Variants in CCHCR1 observed in about 807,000 individuals in gnomAD.
CCHCR1 encodes HCR (a-helix coiled-coil rod homologue).
A neutral mutation model predicts 114.6 loss-of-function variants in CCHCR1; 91 were observed. The observed-to-expected ratio is 0.79, with a 90% CI of 0.67 to 0.94. The LOEUF is 0.94. CCHCR1 is among the 40% of genes least tolerant of loss of function. The pLI is 0.00. For missense variants in CCHCR1, 899 were observed against 1,079.9 expected (o/e 0.83, Z 2.35); for synonymous variants, 379 against 428.5 (o/e 0.88, Z 1.43).
At position 31,150,172 on chromosome 6, in the gene CCHCR1, C is replaced by T. The variant is rs201576922; in HGVS notation, c.1256G>A (p.Cys419Tyr). 6 of 1,614,070 alleles carry T rather than the reference C, an allele frequency of 3.7e-6. No homozygotes were observed. Among genetic ancestry groups the T allele is most frequent in the Admixed American group, 3.3e-5 (2 of 60,004 alleles). The change falls in exon 8 of 18, where the codon TGC becomes TAC. Residue 419 changes from cysteine to tyrosine, a missense_variant. Physicochemically the swap from Cys to Tyr is radical, Grantham distance 194 (BLOSUM62 -2). Transcript: ENST00000396268. The surrounding 1 kb of genome is among the most constrained non-coding windows in gnomAD (Gnocchi z 5.3). ...DSLEPEFTRKCQSLLNRWREK... is the reference protein window; with the variant it reads ...DSLEPEFTRKYQSLLNRWREK... ...CCGCCAGCGGTTCAGCAGGGACTGG[C>T]ACTTCCTGGTAAACTCAGGCTCCAG...
chr6:31,150,299 G>T lies in CCHCR1; in HGVS notation c.1213-84C>A. 2 of 1,494,444 alleles carry T rather than the reference G, an allele frequency of 1.3e-6. No homozygotes were observed. Among genetic ancestry groups the T allele is most frequent in the Non-Finnish European group, 9.2e-7 (1 of 1,083,910 alleles). 92.6% of individuals were successfully genotyped at this position (1,494,444 alleles called of 1,614,324 possible). ...GGCATCTTTGTTTCTCCTCTGTCCT[G>T]CCTGGGCAACATGAGCTACAGCAAG... On this transcript the variant is annotated intron_variant, in intron 7 of 17. Coordinates refer to ENST00000396268, the MANE Select transcript of CCHCR1 (RefSeq NM_001105564.2). This position sits in a 1 kb window ranked among gnomAD's most constrained non-coding sequence, Gnocchi z 5.3.
At chr6:31,146,202 G>A (rs1181264831) in intron 10 of CCHCR1, among the ~76,000 whole-genome samples, 4 of 151,962 alleles carry the variant, frequency 2.6e-5, no homozygotes, top group African/African-American at 4.8e-5. Context: ...AAAATTAGCC[G>A]GGCATGGTGG....
intron 8 of CCHCR1, chr6:31,149,083 C>T (rs111611884): frequency 0.052 from 11,048 of 213,378 alleles, 440 homozygotes; most frequent in Non-Finnish European, 0.076. Context: ...ACCTGGGAGG[C>T]GGAGGTTGCA....
chr6:31,144,573 C>A lies in CCHCR1; in HGVS notation c.2167+114G>T. 1 of 697,794 alleles carries A rather than the reference C, an allele frequency of 1.4e-6. No homozygotes were observed. 43.2% of individuals were successfully genotyped at this position (697,794 alleles called of 1,614,324 possible). A position where few individuals can be genotyped will look rare whatever the true frequency, so the allele number is the denominator to read the frequency against. ...AATTCATCTGTGCTACTCCTGGATA[C>A]CTTCATTACTTCCTGTAATGAAGCT... On this transcript the variant is annotated intron_variant, in intron 15 of 17. Transcript: ENST00000396268. The surrounding 1 kb of genome is among the most constrained non-coding windows in gnomAD (Gnocchi z 4.6).
Position 31,143,961 on chromosome 6 carries a change from A to G in CCHCR1, c.2168-548T>C, listed in dbSNP as rs1021522924. On this transcript the variant is annotated intron_variant, in intron 15 of 17. Transcript: ENST00000396268. The surrounding 1 kb of genome is among the most constrained non-coding windows in gnomAD (Gnocchi z 5.3). ...GTAATCCCAGCTACTTGGGAGGCTGAGCCAGGAGAATGGCTTGAACCCGGG... is the reference window on the plus strand; with the variant it reads ...GTAATCCCAGCTACTTGGGAGGCTGGGCCAGGAGAATGGCTTGAACCCGGG... 6.6e-6 allele frequency among the ~76,000 whole-genome samples: 1 copy of G among 152,144 alleles called. No homozygotes were observed. Among genetic ancestry groups the G allele is most frequent in the Non-Finnish European group, 1.5e-5 (1 of 68,022 alleles).
At chr6:31,152,808 C>G (rs1775435889) in intron 4 of CCHCR1, among the ~76,000 whole-genome samples, 1 of 151,944 alleles carries the variant, frequency 6.6e-6, no homozygotes, top group African/African-American at 2.4e-5. Flanking sequence ...GTAGCAAGTT[C>G]TGAAGTGGCC....
At chr6:31,145,574 T>C (rs1774215425) in intron 11 of CCHCR1, 81 bp from the exon 12 acceptor site, 3 of 1,487,530 alleles carry the variant, frequency 2.0e-6, no homozygotes, top group Non-Finnish European at 2.8e-6. Flanking sequence ...GAAAAAGAGA[T>C]GCAAGGACTG....
In CCHCR1 at chr6:31,145,792, C is replaced by T. The variant is rs1293310742; in HGVS notation, c.1597G>A (p.Glu533Lys). The T allele has an allele frequency of 3.7e-6, 6 of 1,611,790 alleles. No homozygotes were observed. Among genetic ancestry groups the T allele is most frequent in the South Asian group, 2.2e-5 (2 of 91,066 alleles). ...CCTTCCACCTTAGCCATGGTGGTCT[C>T]GAGCCAGATCTGAGAGCTGGAGAGG... Reference protein sequence around the residue: ...NAVSSSQIWLETTMAKVEGAA... With the variant: ...NAVSSSQIWLKTTMAKVEGAA... The change falls in exon 11 of 18, where the codon GAG (glutamate) becomes AAG (lysine). Residue 533 changes from glutamate to lysine, a missense_variant. Physicochemically the swap from Glu to Lys is moderately conservative, Grantham distance 56. Transcript: ENST00000396268.
At position 31,156,712 on chromosome 6, in the gene CCHCR1, G is replaced by A. The variant is rs751197048; in HGVS notation, c.497+19C>T. 14 of 1,598,414 alleles carry A rather than the reference G, an allele frequency of 8.8e-6. No individual in the cohort carries two copies. The highest frequency in any genetic ancestry group is 2.2e-5 in the South Asian group (2 of 89,788). ...CACTAGCAAGCAAGCCTGAGAAAAC[G>A]GCGTGGATGGATCCCTACCTGCCTC... On this transcript the variant is annotated intron_variant, in intron 3 of 17. Transcript: ENST00000396268.
In CCHCR1 at chr6:31,143,104, G is replaced by A. The variant is rs150016491; in HGVS notation, c.2350C>T (p.Arg784Cys). 16 of 1,612,754 alleles carry A rather than the reference G, an allele frequency of 9.9e-6. No individual in the cohort carries two copies. The highest frequency in any genetic ancestry group is 9.4e-5 in the African/African-American group (7 of 74,858). ...GTCAACAGTCGCTGCTGCTTGTAAC[G>A]GGAGAGGAGACCTTCCTGCTGCAAG... ...ATLQQEGLLS[R>C]YKQQRLLTVL... Residue 784 changes from arginine to cysteine, a missense_variant, in exon 17 of 18, where the codon CGT becomes TGT. Transcript: ENST00000396268. The surrounding 1 kb of genome is among the most constrained non-coding windows in gnomAD (Gnocchi z 5.3).
At chr6:31,153,555 T>G (rs986672632) in intron 4 of CCHCR1, among the ~76,000 whole-genome samples, 2 of 151,842 alleles carry the variant, frequency 1.3e-5, no homozygotes, top group Admixed American at 6.6e-5. Context: ...TATAAAGGAA[T>G]TCTCCCTTGT....
In CCHCR1 at chr6:31,145,293, T is replaced by G. The variant is rs1581906992; in HGVS notation, c.1749A>C (p.Leu583=). Reference sequence around the variant, plus strand: ...GGCTCACGTCTGTGACCGGTGGTGGTAGGGGACAGCTGGGACGGGGAAGAG... The same window carrying G: ...GGCTCACGTCTGTGACCGGTGGTGGGAGGGGACAGCTGGGACGGGGAAGAG... ...LAQLRQESCP[L]PPPVTDVSLE... Residue 583 remains leucine, a synonymous_variant, in exon 13 of 18, where the codon CTA becomes CTC. Coordinates refer to ENST00000396268, the MANE Select transcript of CCHCR1 (RefSeq NM_001105564.2). 1 of 1,613,850 alleles carries G rather than the reference T, an allele frequency of 6.2e-7. No individual in the cohort carries two copies. Among genetic ancestry groups the G allele is most frequent in the Non-Finnish European group, 8.5e-7 (1 of 1,179,900 alleles).
chr6:31,154,445 AC>A lies in CCHCR1; in HGVS notation c.801+50del. On this transcript the variant is annotated intron_variant, in intron 4 of 17. Coordinates refer to ENST00000396268, the MANE Select transcript of CCHCR1 (RefSeq NM_001105564.2). The surrounding 1 kb of genome is among the most constrained non-coding windows in gnomAD (Gnocchi z 4.1). ...AATACCTGTTCTTTGCTTGGAAGCT[AC>A]TGCCCAGCTCTCCGTTATGAATTTG... The A allele has an allele frequency of 6.9e-7, 1 of 1,455,070 alleles. No homozygotes were observed. Among genetic ancestry groups the A allele is most frequent in the Non-Finnish European group, 9.5e-7 (1 of 1,047,158 alleles). 90.1% of individuals were successfully genotyped at this position (1,455,070 alleles called of 1,614,324 possible).
chr6:31,150,981 C>A lies in CCHCR1; in HGVS notation c.943G>T (p.Glu315Ter). The A allele has an allele frequency of 6.2e-7, 1 of 1,612,870 alleles. No homozygotes were observed. The highest frequency in any genetic ancestry group is 8.5e-7 in the Non-Finnish European group (1 of 1,179,992). The stretch of plus-strand genomic sequence containing the variant: ...TACCTCAGCTGCTTCCGAAGCAGCT[C>A]GGCCTCCCTCTGAGCCTCGGCCAGC... Reference protein sequence around the residue: ...KELAEAQREAELLRKQLSKTQ... With the variant: ...KELAEAQREA Residue 315 changes from glutamate to a stop codon, truncating the protein, a stop_gained, in exon 5 of 18, where the codon GAG becomes TAG. Coordinates refer to ENST00000396268, the MANE Select transcript of CCHCR1 (RefSeq NM_001105564.2). LOFTEE classifies it high-confidence loss of function. The surrounding 1 kb of genome is among the most constrained non-coding windows in gnomAD (Gnocchi z 5.3).
At chr6:31,142,763 G>A (rs368862643) in intron 17 of CCHCR1, 47 bp from the exon 18 acceptor site, 62 of 1,587,070 alleles carry the variant, frequency 3.9e-5, no homozygotes, top group East Asian at 2.7e-4. Context: ...GAAGGTGCTC[G>A]TGGTTACAGA....
chr6:31,157,391 C>T lies in CCHCR1; in HGVS notation c.210G>A (p.Arg70=), dbSNP rs1561832540. ...TTCTGGGCAGTGCCTCTACCCTCCT[C>T]CTTAAGTTTCTATGGTCCCTGCTGC... is the stretch of plus-strand genomic sequence containing the variant. ...ARSSRDHRNL[R]RRGNIDGWRQ... is the part of the protein sequence containing the mutation. Residue 70 remains arginine, a synonymous_variant, in exon 1 of 18, where the codon AGG becomes AGA. Transcript: ENST00000396268. 1 of 1,612,484 alleles carries T rather than the reference C, an allele frequency of 6.2e-7. No individual in the cohort carries two copies. The highest frequency in any genetic ancestry group is 1.7e-5 in the Admixed American group (1 of 60,020).
intron 8 of CCHCR1, among the ~76,000 whole-genome samples, 170 bp downstream of exon 8, chr6:31,149,896 C>T (rs112640945): frequency 0.085 from 12,899 of 152,248 alleles, 661 homozygotes; most frequent in Middle Eastern, 0.16. Context: ...TGTTTACTTG[C>T]GTGTTCTGTG....
intron 4 of CCHCR1, among the ~76,000 whole-genome samples, chr6:31,153,721 AG>A (rs1217610695): frequency 6.6e-6 from 1 of 152,200 alleles, no homozygotes; most frequent in Non-Finnish European, 1.5e-5. Context: ...CTGGGATTAC[AG>A]GTGCGCACCA....
At chr6:31,146,305 C>T (rs1237478303) in intron 10 of CCHCR1, among the ~76,000 whole-genome samples, 1 of 152,120 alleles carries the variant, frequency 6.6e-6, no homozygotes, top group African/African-American at 2.4e-5. Context: ...AGATCGCACC[C>T]CTGCCCTCAA....
Sources: gnomAD v4.1 joint callset for allele counts (sites outside exome capture counted in the v4.1 genomes callset) on GRCh38, gnomAD v4.1.1 for gene constraint, Gnocchi (gnomAD v3.1) non-coding constraint, MANE v1.5 for transcripts, NCBI Gene and HGNC (gene_info 2026-07-23, HGNC 2026-07-21) for gene names.